Variants in SH3BGR observed in about 807,000 individuals in gnomAD.
SH3BGR encodes the protein SH3 domain binding glutamate rich protein.
Under a neutral mutation model 24.5 loss-of-function variants are expected in SH3BGR, and 29 were observed. The ratio of observed to expected loss-of-function variants is 1.18; its 90% CI spans 0.88 to 1.61. The LOEUF (loss-of-function observed/expected upper bound fraction) is 1.61, where lower values mean the gene tolerates loss of function less well. Ranked by LOEUF, SH3BGR falls within the 40% of genes most tolerant of loss-of-function variation. The pLI is 0.00. For missense variants in SH3BGR, 162 were observed against 205.8 expected (o/e 0.79, Z 1.30); for synonymous variants, 55 against 65.7 (o/e 0.84, Z 0.79).
chr21:39,479,865 AT>A (rs35260549), intron 3 of SH3BGR, among the ~76,000 whole-genome samples: 68,880 of 150,752 alleles, frequency 0.46, 18,201 homozygotes, highest in East Asian at 0.68. Context: ...TTCCGTAGAC[AT>A]TTTTTTTTTC....
intron 3 of SH3BGR, among the ~76,000 whole-genome samples, chr21:39,485,906 T>C (rs1048158291): frequency 5.8e-4 from 88 of 152,202 alleles, no homozygotes; most frequent in African/African-American, 2.1e-3. Context: ...GCCAGGATGG[T>C]CTCGATCTCC....
At chr21:39,488,144 C>T (rs1035754509) in intron 3 of SH3BGR, among the ~76,000 whole-genome samples, 2 of 152,230 alleles carry the variant, frequency 1.3e-5, no homozygotes, top group African/African-American at 4.8e-5. Context: ...TGCTTCTCAA[C>T]TAAAGTTCTG....
chr21:39,514,888 A>T (rs537020542), intron 6 of SH3BGR, among the ~76,000 whole-genome samples, 200 bp from the exon 7 acceptor site: 1 of 152,340 alleles, frequency 6.6e-6, no homozygotes, highest in East Asian at 1.9e-4. Context: ...ATATGTGTTT[A>T]TGCAGAGAAA....
At chr21:39,510,286 ATT>A (rs1378696008) in intron 5 of SH3BGR, among the ~76,000 whole-genome samples, 1 of 152,138 alleles carries the variant, frequency 6.6e-6, no homozygotes, top group East Asian at 1.9e-4. Context: ...TTTATAGAAA[ATT>A]TAAAAAATGC....
intron 2 of SH3BGR, among the ~76,000 whole-genome samples, chr21:39,466,219 C>T (rs1347935649): frequency 6.6e-6 from 1 of 152,208 alleles, no homozygotes; most frequent in African/African-American, 2.4e-5. Context: ...ACTTTGACAA[C>T]ACTGTGCATA....
At chr21:39,479,239 T>A (rs1035842590) in intron 3 of SH3BGR, among the ~76,000 whole-genome samples, 1 of 144,514 alleles carries the variant, frequency 6.9e-6, no homozygotes, top group Non-Finnish European at 1.5e-5. Context: ...GTGGTGGTGG[T>A]GGTGGTGGTG....
At chr21:39,492,309 C>A (rs539844929) in intron 3 of SH3BGR, among the ~76,000 whole-genome samples, 29 of 152,252 alleles carry the variant, frequency 1.9e-4, no homozygotes, top group Non-Finnish European at 3.5e-4. Context: ...TTAGCTCCCA[C>A]TTTTGAGTGA....
chr21:39,462,867 C>T (rs1161192208), intron 2 of SH3BGR, among the ~76,000 whole-genome samples: 3 of 152,202 alleles, frequency 2.0e-5, no homozygotes, highest in African/African-American at 7.2e-5. Context: ...TTCTGTTCAG[C>T]CTTGCAGTGT....
chr21:39,458,119 A>G (rs1193089367), intron 1 of SH3BGR, among the ~76,000 whole-genome samples: 5 of 152,176 alleles, frequency 3.3e-5, no homozygotes, highest in African/African-American at 9.7e-5. Context: ...TGGGATAGAC[A>G]TGTACCTTTT....
Position 39,467,667 on chromosome 21 carries a change from A to G in SH3BGR, c.231+5107A>G, listed in dbSNP as rs1401034309. 5.3e-5 allele frequency among the ~76,000 whole-genome samples: 8 copies of G among 152,160 alleles called. No homozygotes were observed. In the South Asian group the frequency reaches 8.3e-4, roughly 16 times the overall value. ...CTTTCTACATGATTAAAATGTATATAACTATTATTTAAGTGGTCTCCCTGG... is the reference window on the plus strand; with the variant it reads ...CTTTCTACATGATTAAAATGTATATGACTATTATTTAAGTGGTCTCCCTGG... On this transcript the variant is annotated intron_variant, in intron 2 of 6. Coordinates refer to ENST00000333634, the MANE Select transcript of SH3BGR (RefSeq NM_007341.3).
chr21:39,466,673 T>C (rs1474994677), intron 2 of SH3BGR, among the ~76,000 whole-genome samples: 1 of 152,152 alleles, frequency 6.6e-6, no homozygotes, highest in Non-Finnish European at 1.5e-5. Flanking sequence ...GAAAAGCCCC[T>C]TATAAAACCA....
chr21:39,467,116 T>A (rs1413807511), intron 2 of SH3BGR, among the ~76,000 whole-genome samples: 2 of 152,188 alleles, frequency 1.3e-5, no homozygotes, highest in Non-Finnish European at 2.9e-5. Context: ...TCCTTTTAAA[T>A]TTAAGTGAGT....
intron 4 of SH3BGR, 141 bp downstream of exon 4, chr21:39,500,056 T>G: frequency 1.6e-6 from 1 of 637,392 alleles, no homozygotes; most frequent in Non-Finnish European, 2.8e-6. Flanking sequence ...AGGAAGCAAG[T>G]AATTTCTACT....
chr21:39,471,744 G>A (rs977617147), intron 2 of SH3BGR, among the ~76,000 whole-genome samples: 3 of 152,162 alleles, frequency 2.0e-5, no homozygotes, highest in Non-Finnish European at 2.9e-5. Flanking sequence ...TTATAGGCAT[G>A]AGCCACCACA....
chr21:39,493,938 T>C (rs1339222337), intron 3 of SH3BGR, among the ~76,000 whole-genome samples: 3 of 152,216 alleles, frequency 2.0e-5, no homozygotes, highest in African/African-American at 7.2e-5. Context: ...ATAGGAGAGC[T>C]ACTGATTTGT....
intron 1 of SH3BGR, among the ~76,000 whole-genome samples, chr21:39,446,426 CT>C (rs2077468060): frequency 6.6e-6 from 1 of 152,154 alleles, no homozygotes; most frequent in African/African-American, 2.4e-5. Context: ...GAGGTCACCC[CT>C]GACTGTTTCC....
intron 3 of SH3BGR, among the ~76,000 whole-genome samples, chr21:39,485,968 G>A (rs1008637518): frequency 1.3e-5 from 2 of 152,144 alleles, no homozygotes; most frequent in African/African-American, 4.8e-5. Context: ...GATTACAGGC[G>A]TGAGCCACCA....
chr21:39,476,559 A>G, intron 3 of SH3BGR, among the ~76,000 whole-genome samples: 1 of 152,176 alleles, frequency 6.6e-6, no homozygotes, highest in Admixed American at 6.5e-5. Context: ...ACCACTGGAA[A>G]TTTGGGCAGA....
intron 3 of SH3BGR, 56 bp downstream of exon 3, chr21:39,475,271 G>T: frequency 9.7e-7 from 1 of 1,033,700 alleles, no homozygotes; most frequent in East Asian, 2.4e-5. Context: ...AATGAAGGTA[G>T]AAATCACCGC....
Sources: allele counts gnomAD v4.1 joint callset (sites outside exome capture counted in the v4.1 genomes callset), GRCh38; gene constraint gnomAD v4.1.1; transcripts MANE v1.5; gene names NCBI Gene and HGNC (gene_info 2026-07-23, HGNC 2026-07-21).